Variants in SALL3 observed in about 807,000 individuals in gnomAD.
SALL3 encodes the protein spalt like transcription factor 3.
SALL3 carries 25 observed loss-of-function variants against 66.2 expected under a neutral mutation model. The observed-to-expected ratio is 0.38, with a 90% CI of 0.28 to 0.53. The LOEUF (loss-of-function observed/expected upper bound fraction) is 0.53. SALL3 is among the 20% of genes least tolerant of loss of function. The pLI is 0.85. For missense variants in SALL3, 2,194 were observed against 1,916.5 expected (o/e 1.14, Z -2.70); for synonymous variants, 1,152 against 899.1 (o/e 1.28, Z -5.03).
Position 78,994,468 on chromosome 18 carries a change from C to A in SALL3, c.2477C>A (p.Ala826Glu), listed in dbSNP as rs772930651. ...CCGGCCAAGCCACTCCTGTCCTACG[C>A]GGGGTCCTGCCCGCCCTCCCCGCCC... is the stretch of plus-strand genomic sequence containing the variant. Reference protein sequence around the residue: ...TDPAKPLLSYAGSCPPSPPSV... With the variant: ...TDPAKPLLSYEGSCPPSPPSV... Residue 826 changes from alanine to glutamate, a missense_variant, in exon 2 of 3, where the codon GCG (alanine) becomes GAG (glutamate). Coordinates refer to ENST00000537592, the MANE Select transcript of SALL3 (RefSeq NM_171999.4). The A allele has an allele frequency of 6.2e-7, 1 of 1,612,038 alleles. No homozygotes were observed. The highest frequency in any genetic ancestry group is 1.7e-5 in the Admixed American group (1 of 60,018).
chr18:78,987,378 T>G (rs567245214), intron 1 of SALL3, among the ~76,000 whole-genome samples: 1 of 152,294 alleles, frequency 6.6e-6, no homozygotes, highest in Admixed American at 6.5e-5. Context: ...TTTTATTAGT[T>G]AGAAGGGGAA....
Position 78,980,349 on chromosome 18 carries a change from C to T in SALL3, c.75C>T (p.Pro25=), listed in dbSNP as rs775492303. ...DEELLPPDGA[P]EHAAPGEGAE... ...AGCTGCTGCCGCCTGACGGGGCTCC[C>T]GAGCACGGTGAGGGCCGGGGCTGCG... Residue 25 remains proline, a synonymous_variant, in exon 1 of 3, where the codon CCC becomes CCT. Transcript: ENST00000537592. 7 of 1,438,556 alleles carry T rather than the reference C, an allele frequency of 4.9e-6. No homozygotes were observed. The South Asian group carries it at 8.0e-5, about 16-fold the overall frequency. The allele number at this position is 1,438,556 out of a possible 1,614,324, so 89.1% of individuals were successfully genotyped here.
At position 78,979,910 on chromosome 18, in the gene SALL3, A is replaced by G. The variant is rs1443790761; in HGVS notation, c.-365A>G. Among the ~76,000 whole-genome samples the G allele has an allele frequency of 2.1e-5, 3 of 140,856 alleles. No individual in the cohort carries two copies. The East Asian group carries it at 6.5e-4, about 31-fold the overall frequency. 92.4% of individuals were successfully genotyped at this position (140,856 alleles called of 152,430 possible). On this transcript the variant is annotated 5_prime_UTR_variant, in exon 1 of 3. Transcript: ENST00000537592. Reference sequence around the variant, plus strand: ...GCCCGCGCCGCACCCGGGCCCCGCCACAGCCGCACCCGGGGCGGCCGAGGA... The same window carrying G: ...GCCCGCGCCGCACCCGGGCCCCGCCGCAGCCGCACCCGGGGCGGCCGAGGA...
At chr18:78,989,465 G>T (rs567461252) in intron 1 of SALL3, among the ~76,000 whole-genome samples, 58 of 152,280 alleles carry the variant, frequency 3.8e-4, no homozygotes, top group Non-Finnish European at 6.6e-4. Flanking sequence ...AAGATAAAAT[G>T]TATCTGTGGT....
At position 78,996,071 on chromosome 18, in the gene SALL3, C is replaced by T. The variant is rs528215558; in HGVS notation, c.3471+609C>T. ...TACAAGCAGTACCAAGGCGAGGCCACTCAGCAGGCCCTGTCGTTCTGTCCG... is the reference window on the plus strand; with the variant it reads ...TACAAGCAGTACCAAGGCGAGGCCATTCAGCAGGCCCTGTCGTTCTGTCCG... On this transcript the variant is annotated intron_variant, in intron 2 of 2. Coordinates refer to ENST00000537592, the MANE Select transcript of SALL3 (RefSeq NM_171999.4). Among the ~76,000 whole-genome samples the T allele has an allele frequency of 5.3e-5, 8 of 152,332 alleles. No homozygotes were observed. In the South Asian group the frequency reaches 1.5e-3, roughly 28 times the overall value.
Position 78,993,320 on chromosome 18 carries a change from A to C in SALL3, c.1329A>C (p.Thr443=), listed in dbSNP as rs1380411731. ...TCCAGATCCACCTGCGCTCGCACAC[A>C]GGCGAGCGGCCCTTCAAGTGCAACA... ...SALQIHLRSH[T]GERPFKCNIC... The change falls in exon 2 of 3, where the codon ACA becomes ACC. Residue 443 remains threonine, a synonymous_variant. Coordinates refer to ENST00000537592, the MANE Select transcript of SALL3 (RefSeq NM_171999.4). The C allele has an allele frequency of 6.2e-7, 1 of 1,612,222 alleles. No individual in the cohort carries two copies. The highest frequency in any genetic ancestry group is 1.7e-5 in the Admixed American group (1 of 59,970).
At chr18:78,981,279 G>A (rs1914060190) in intron 1 of SALL3, among the ~76,000 whole-genome samples, 1 of 152,168 alleles carries the variant, frequency 6.6e-6, no homozygotes, top group Non-Finnish European at 1.5e-5. Flanking sequence ...CCGGGCTTCG[G>A]CGCGCCCCGC....
intron 1 of SALL3, among the ~76,000 whole-genome samples, chr18:78,990,050 C>G (rs1387766702): frequency 3.3e-5 from 5 of 152,098 alleles, no homozygotes; most frequent in African/African-American, 1.2e-4. Flanking sequence ...TAAGAAATTA[C>G]CTGAAGATTT....
chr18:78,994,619 C>G lies in SALL3; in HGVS notation c.2628C>G (p.Ser876Arg), dbSNP rs756760489. The G allele has an allele frequency of 4.4e-6, 7 of 1,608,674 alleles. No homozygotes were observed. The highest frequency in any genetic ancestry group is 5.9e-6 in the Non-Finnish European group (7 of 1,177,448). ...ENGSGESDRL[S>R]NDSSSAVGDL... ...GGTCCGGGGAGAGTGACCGCCTGAG[C>G]AACGACTCCTCGTCGGCCGTGGGCG... Residue 876 changes from serine to arginine, a missense_variant, in exon 2 of 3, where the codon AGC becomes AGG. Physicochemically the swap from Ser to Arg is moderately radical, Grantham distance 110. Transcript: ENST00000537592.
At chr18:78,983,875 C>A (rs1341654585) in intron 1 of SALL3, among the ~76,000 whole-genome samples, 3 of 152,134 alleles carry the variant, frequency 2.0e-5, no homozygotes, top group Admixed American at 6.5e-5. Flanking sequence ...GCCAACATTT[C>A]TTTTAAAAAC....
In SALL3 at chr18:78,992,607, C is replaced by G. The variant is rs1914486637; in HGVS notation, c.616C>G (p.Leu206Val). The change falls in exon 2 of 3, where the codon CTG becomes GTG. Residue 206 changes from leucine (L) to valine (V), a missense_variant. Coordinates refer to ENST00000537592, the MANE Select transcript of SALL3 (RefSeq NM_171999.4). ...GGCAGCTGCAGCCGTGCCCCTGATC[C>G]TGGAACAGCTCATGGCCCTGCAGCA... Reference protein sequence around the residue: ...GVAAAAVPLILEQLMALQQQQ... With the variant: ...GVAAAAVPLIVEQLMALQQQQ... 6.5e-7 allele frequency: 1 copy of G among 1,548,014 alleles called. No individual in the cohort carries two copies. Among genetic ancestry groups the G allele is most frequent in the Non-Finnish European group, 8.7e-7 (1 of 1,154,828 alleles).
chr18:78,988,389 G>A (rs1025964431), intron 1 of SALL3, among the ~76,000 whole-genome samples: 9 of 152,118 alleles, frequency 5.9e-5, no homozygotes, highest in East Asian at 5.8e-4. Flanking sequence ...CATGAGAAGG[G>A]CCATGGAAGC....
chr18:78,990,891 C>A (rs1914407623), intron 1 of SALL3, among the ~76,000 whole-genome samples: 1 of 152,112 alleles, frequency 6.6e-6, no homozygotes, highest in African/African-American at 2.4e-5. Context: ...AGCAACGTTG[C>A]TGTATGTTGG....
rs748605794 is a variant in SALL3 at position 78,994,381 on chromosome 18, A to T, written c.2390A>T (p.Asp797Val). 6.2e-7 allele frequency: 1 copy of T among 1,613,326 alleles called. No homozygotes were observed. Among genetic ancestry groups the T allele is most frequent in the Admixed American group, 1.7e-5 (1 of 60,026 alleles). ...AACGCGGAGACCCTGAGCAGCTACG[A>T]TGACGACATGGACGAGAACTCCATG... is the stretch of plus-strand genomic sequence containing the variant. The part of the protein sequence containing the change: ...DKNAETLSSY[D>V]DDMDENSMED... The change falls in exon 2 of 3, where the codon GAT becomes GTT. Residue 797 changes from aspartate to valine, a missense_variant. By Grantham distance (152) the Asp-to-Val change is radical (BLOSUM62 -3). Coordinates refer to ENST00000537592, the MANE Select transcript of SALL3 (RefSeq NM_171999.4).
In SALL3 at chr18:78,992,644, A is replaced by G; in HGVS notation, c.653A>G (p.His218Arg). 6.5e-7 allele frequency: 1 copy of G among 1,549,042 alleles called. No individual in the cohort carries two copies. The change falls in exon 2 of 3, where the codon CAC (histidine) becomes CGC (arginine). Residue 218 changes from histidine (H) to arginine (R), a missense_variant. By Grantham distance (29) the His-to-Arg change is conservative (BLOSUM62 0). Coordinates refer to ENST00000537592, the MANE Select transcript of SALL3 (RefSeq NM_171999.4). ...ATGGCCCTGCAGCAGCAGCAGATCC[A>G]CCAGCTGCAGCTCATCGAGCAGATC... ...QLMALQQQQI[H>R]QLQLIEQIRS...
chr18:78,980,530 C>T (rs1167788765), intron 1 of SALL3, among the ~76,000 whole-genome samples, 174 bp downstream of exon 1: 1 of 151,692 alleles, frequency 6.6e-6, no homozygotes, highest in East Asian at 2.0e-4. Context: ...GGTACTTCGC[C>T]GGAGCGCGCG....
rs772260648 is a variant in SALL3, at chr18:78,994,853, G to C, written c.2862G>C (p.Ala954=). The C allele has an allele frequency of 2.5e-6, 4 of 1,602,152 alleles. No individual in the cohort carries two copies. In the South Asian group the frequency reaches 3.3e-5, roughly 13 times the overall value. The change falls in exon 2 of 3, where the codon GCG becomes GCC. Residue 954 remains alanine, a synonymous_variant. Transcript: ENST00000537592. ...GCAGCGGAGGCGCCCCTGGCCGCGC[G>C]GGCATCAAGGAGGAGGCGCCCTTCA... ...APGSGGAPGR[A]GIKEEAPFSL... is the part of the protein sequence containing the mutation.
At position 78,992,942 on chromosome 18, in the gene SALL3, C is replaced by CCCTGCCCCCGCT; in HGVS notation, c.952_963dup (p.Pro318_Ala321dup). ...GCGCGCCCGCCGCCCCCAGCGCCGC[C>CCCTGCCCCCGCT]CCTGCCCCCGCTGCCCCCGCCCCGG... On this transcript the variant is annotated inframe_insertion, in exon 2 of 3. Transcript: ENST00000537592. The CCCTGCCCCCGCT allele has an allele frequency of 6.5e-6, 7 of 1,082,546 alleles. No homozygotes were observed. Among genetic ancestry groups the CCCTGCCCCCGCT allele is most frequent in the Non-Finnish European group, 7.8e-6 (7 of 892,744 alleles). 67.1% of individuals were successfully genotyped at this position (1,082,546 alleles called of 1,614,324 possible). A position where few individuals can be genotyped will look rare whatever the true frequency, so the allele number is the denominator to read the frequency against.
chr18:78,993,335 C>T lies in SALL3; in HGVS notation c.1344C>T (p.Phe448=), dbSNP rs1914543081. Reference sequence around the variant, plus strand: ...GCTCGCACACAGGCGAGCGGCCCTTCAAGTGCAACATCTGCGGGAACCGCT... The same window carrying T: ...GCTCGCACACAGGCGAGCGGCCCTTTAAGTGCAACATCTGCGGGAACCGCT... ...HLRSHTGERP[F]KCNICGNRFS... Residue 448 remains phenylalanine (F), a synonymous_variant, in exon 2 of 3, where the codon TTC becomes TTT. Transcript: ENST00000537592. The T allele has an allele frequency of 6.2e-6, 10 of 1,612,394 alleles. No homozygotes were observed. The highest frequency in any genetic ancestry group is 7.6e-6 in the Non-Finnish European group (9 of 1,179,904).
Sources: gnomAD v4.1 joint callset for allele counts (sites outside exome capture counted in the v4.1 genomes callset) on GRCh38, gnomAD v4.1.1 for gene constraint, MANE v1.5 for transcripts, NCBI Gene and HGNC (gene_info 2026-07-23, HGNC 2026-07-21) for gene names.